ENTPD7: variants seen among roughly 807,000 people sequenced by gnomAD.
ENTPD7 encodes the protein NTPDase 7.
Under a neutral mutation model 77.9 loss-of-function variants are expected in ENTPD7, and 53 were observed. The ratio of observed to expected loss-of-function variants is 0.68; its 90% CI spans 0.55 to 0.85. The LOEUF (loss-of-function observed/expected upper bound fraction) is 0.85. Ranked by LOEUF, ENTPD7 falls within the 40% of genes least tolerant of loss-of-function variation. The probability of loss-of-function intolerance (pLI) is 0.00; values close to 1 mark genes in which losing one functional copy is unlikely to be tolerated. For synonymous variants in ENTPD7, 248 were observed against 274.9 expected (o/e 0.90, Z 0.97); for missense variants, 636 against 743.7 (o/e 0.86, Z 1.68).
chr10:99,664,623 G>T (rs931506044), intron 3 of ENTPD7, among the ~76,000 whole-genome samples: 2 of 150,954 alleles, frequency 1.3e-5, no homozygotes, highest in African/African-American at 4.9e-5. Context: ...CTAATTTTTT[G>T]TATTTTTAAT....
rs11190244 is a variant in ENTPD7, at chr10:99,691,163, A to T, written c.710-222A>T. Among the ~76,000 whole-genome samples the T allele has an allele frequency of 0.33, 48,863 of 149,228 alleles. 8,064 individuals are homozygous for T. The highest frequency in any genetic ancestry group is 0.51 in the Middle Eastern group (145 of 286). On this transcript the variant is annotated intron_variant, in intron 7 of 12. Transcript: ENST00000370489. ...CACCATGCCCAGCTAATTAAAAAAA[A>T]TTTTTTTTTTTTATGAGAGTGTCTC...
At chr10:99,673,962 A>G (rs1007724707) in intron 3 of ENTPD7, among the ~76,000 whole-genome samples, 1 of 152,166 alleles carries the variant, frequency 6.6e-6, no homozygotes. Context: ...CTAAACAGGT[A>G]GAGCAAGCAA....
chr10:99,704,569 A>G lies in ENTPD7; in HGVS notation c.1701A>G (p.Leu567=), dbSNP rs2036211163. 4 of 1,613,932 alleles carry G rather than the reference A, an allele frequency of 2.5e-6. No homozygotes were observed. Among genetic ancestry groups the G allele is most frequent in the South Asian group, 1.1e-5 (1 of 91,076 alleles). Residue 567 remains leucine, a synonymous_variant, in exon 13 of 13, where the codon CTA becomes CTG. Coordinates refer to ENST00000370489, the MANE Select transcript of ENTPD7 (RefSeq NM_020354.5). Reference sequence around the variant, plus strand: ...TGGTGGTGCTACTGGCCATCTTCCTATACCTTCTGCGGCTACGCCGAATTC... The same window carrying G: ...TGGTGGTGCTACTGGCCATCTTCCTGTACCTTCTGCGGCTACGCCGAATTC... ...CILVVLLAIF[L]YLLRLRRIHH...
intron 9 of ENTPD7, chr10:99,697,732 CT>C: frequency 6.1e-6 from 1 of 163,568 alleles, no homozygotes; most frequent in Non-Finnish European, 1.4e-5. Context: ...CACCCTCGGT[CT>C]TTACACCTGT....
At chr10:99,700,404 GTGTGTGTGTA>G (rs1258771516) in intron 10 of ENTPD7, among the ~76,000 whole-genome samples, 891 of 7,712 alleles carry the variant, frequency 0.12, 9 homozygotes, top group African/African-American at 0.18. Context: ...GTGTGTGTGT[GTGTGTGTGTA>G]TGTGTGTGTG....
chr10:99,661,275 A>C (rs2035482923), intron 2 of ENTPD7, among the ~76,000 whole-genome samples, 171 bp from the exon 3 acceptor site: 1 of 152,218 alleles, frequency 6.6e-6, no homozygotes, highest in African/African-American at 2.4e-5. Context: ...TCTGATATAT[A>C]TAGTAGAAGC....
At chr10:99,700,132 G>T (rs2036082140) in intron 10 of ENTPD7, among the ~76,000 whole-genome samples, 1 of 152,022 alleles carries the variant, frequency 6.6e-6, no homozygotes, top group Non-Finnish European at 1.5e-5. Context: ...AACTATCCAT[G>T]GCCTGACTCT....
At chr10:99,666,270 C>T (rs2035549468) in intron 3 of ENTPD7, among the ~76,000 whole-genome samples, 1 of 151,928 alleles carries the variant, frequency 6.6e-6, no homozygotes, top group Non-Finnish European at 1.5e-5. Flanking sequence ...TGCAGTGGCG[C>T]TATCTCGGCT....
In ENTPD7 at chr10:99,659,787, G is replaced by A; in HGVS notation, c.-95-75G>A. 1 of 854,860 alleles carries A rather than the reference G, an allele frequency of 1.2e-6. No homozygotes were observed. The highest frequency in any genetic ancestry group is 1.7e-5 in the South Asian group (1 of 59,600). The allele number at this position is 854,860 out of a possible 1,614,324, so 53.0% of individuals were successfully genotyped here. A position where few individuals can be genotyped will look rare whatever the true frequency, so the allele number is the denominator to read the frequency against. ...CGGAGCGGGAGCCTGGGGAGGAGGT[G>A]GGAGCCGTGGAATTCCCGTGCAGGT... On this transcript the variant is annotated intron_variant, in intron 1 of 12. Coordinates refer to ENST00000370489, the MANE Select transcript of ENTPD7 (RefSeq NM_020354.5). This position sits in a 1 kb window ranked among gnomAD's most constrained non-coding sequence, Gnocchi z 4.1.
At chr10:99,673,914 A>G (rs1230563755) in intron 3 of ENTPD7, among the ~76,000 whole-genome samples, 1 of 152,238 alleles carries the variant, frequency 6.6e-6, no homozygotes, top group Non-Finnish European at 1.5e-5. Flanking sequence ...ATATCAAGGT[A>G]GTATAGATAA....
intron 6 of ENTPD7, among the ~76,000 whole-genome samples, chr10:99,688,188 C>T (rs1590047864): frequency 6.6e-6 from 1 of 152,112 alleles, no homozygotes; most frequent in South Asian, 2.1e-4. Flanking sequence ...ATGTTTCAAG[C>T]TGCTCTTAAG....
rs532095456 is a variant in ENTPD7 at position 99,708,008 on chromosome 10, G to T, written c.*3325G>T. Among the ~76,000 whole-genome samples, 12 of 152,264 alleles carry T rather than the reference G, an allele frequency of 7.9e-5. No homozygotes were observed. In the East Asian group the frequency reaches 2.3e-3, roughly 29 times the overall value. The stretch of plus-strand genomic sequence containing the variant: ...GGTACAGATCCCATCACCAGGTGGT[G>T]AGCATAGTACCTAACAGATAGTTCT... On this transcript the variant is annotated 3_prime_UTR_variant, in exon 13 of 13. Coordinates refer to ENST00000370489, the MANE Select transcript of ENTPD7 (RefSeq NM_020354.5).
chr10:99,664,542 C>T (rs1189514332), intron 3 of ENTPD7, among the ~76,000 whole-genome samples: 5 of 151,656 alleles, frequency 3.3e-5, no homozygotes, highest in African/African-American at 4.9e-5. Flanking sequence ...CTCTGCCTCC[C>T]GGGTTCAAGT....
Position 99,696,021 on chromosome 10 carries a change from C to T in ENTPD7, c.909C>T (p.His303=), listed in dbSNP as rs561996054. 44 of 1,614,212 alleles carry T rather than the reference C, an allele frequency of 2.7e-5. No homozygotes were observed. The highest frequency in any genetic ancestry group is 1.9e-4 in the South Asian group (17 of 91,080). ...GCTGTGATGTGCAACACACTGAACA[C>T]GTGTACAGGGTTTATGTCACAACTT... ...NLGCDVQHTE[H]VYRVYVTTFL... Residue 303 remains histidine, a synonymous_variant, in exon 9 of 13, where the codon CAC becomes CAT. Transcript: ENST00000370489.
chr10:99,665,263 A>AG (rs1344746975), intron 3 of ENTPD7, among the ~76,000 whole-genome samples: 1 of 151,108 alleles, frequency 6.6e-6, no homozygotes, highest in Non-Finnish European at 1.5e-5. Context: ...AAAGAAAAAA[A>AG]AAAAAAGAGA....
At chr10:99,665,399 A>G (rs2035536778) in intron 3 of ENTPD7, among the ~76,000 whole-genome samples, 1 of 152,096 alleles carries the variant, frequency 6.6e-6, no homozygotes, top group African/African-American at 2.4e-5. Flanking sequence ...ACCTCTAACA[A>G]CCATTTCCTG....
At chr10:99,674,771 A>G (rs535876031) in intron 3 of ENTPD7, among the ~76,000 whole-genome samples, 5 of 152,304 alleles carry the variant, frequency 3.3e-5, no homozygotes, top group African/African-American at 4.8e-5. Context: ...GAGTTGATTG[A>G]TACTTGCTTT....
Position 99,705,489 on chromosome 10 carries a change from GGGAACCT to G in ENTPD7, c.*810_*816del, listed in dbSNP as rs2036234537. 6.6e-6 allele frequency: 1 copy of G among 152,212 alleles called. No individual in the cohort carries two copies. Among genetic ancestry groups the G allele is most frequent in the Non-Finnish European group, 1.5e-5 (1 of 68,046 alleles). The allele number at this position is 152,212 out of a possible 1,614,324, so 9.4% of individuals were successfully genotyped here. A position where few individuals can be genotyped will look rare whatever the true frequency, so the allele number is the denominator to read the frequency against. On this transcript the variant is annotated 3_prime_UTR_variant, in exon 13 of 13. Transcript: ENST00000370489. ...GGATGGAGAAACTGTGATGGGGACT[GGGAACCT>G]GGATTTGTCTGATTTTAGGTCACTG... is the stretch of plus-strand genomic sequence containing the variant.
At chr10:99,695,899 C>G in intron 8 of ENTPD7, 57 bp from the exon 9 acceptor site, 2 of 1,541,394 alleles carry the variant, frequency 1.3e-6, no homozygotes, top group Non-Finnish European at 1.8e-6. Flanking sequence ...AATGTCATAG[C>G]TTTCTAGAAG....
Sources: gnomAD v4.1 joint callset for allele counts (sites outside exome capture counted in the v4.1 genomes callset) on GRCh38, gnomAD v4.1.1 for gene constraint, Gnocchi (gnomAD v3.1) non-coding constraint, MANE v1.5 for transcripts, NCBI Gene and HGNC (gene_info 2026-07-23, HGNC 2026-07-21) for gene names.